The following PSORS1C1 variants were observed in gnomAD, a reference collection of about 807,000 sequenced individuals.
PSORS1C1 encodes the protein psoriasis susceptibility 1 candidate gene 1 protein.
A neutral mutation model predicts 9.4 loss-of-function variants in PSORS1C1; 7 were observed. That is an observed-to-expected ratio of 0.75 (90% CI 0.42 to 1.40). PSORS1C1 has a LOEUF of 1.40. PSORS1C1 is among the 40% of genes most tolerant of loss of function. The pLI, the probability that PSORS1C1 is intolerant of heterozygous loss-of-function variation, is 0.01. For missense variants in PSORS1C1, 146 were observed against 178.1 expected (o/e 0.82, Z 1.02); for synonymous variants, 63 against 69.4 (o/e 0.91, Z 0.46).
At chr6:31,121,770 A>C (rs1772473876) in intron 1 of PSORS1C1, among the ~76,000 whole-genome samples, 1 of 152,178 alleles carries the variant, frequency 6.6e-6, no homozygotes, top group Non-Finnish European at 1.5e-5. Context: ...ACCGCCCTTT[A>C]AGTTCAGACC....
chr6:31,138,032 G>A, intron 3 of PSORS1C1: 1 of 1,529,090 alleles, frequency 6.5e-7, no homozygotes, highest in Non-Finnish European at 8.8e-7. Flanking sequence ...GAGGCCAGGG[G>A]TTTTCTGGGG....
intron 3 of PSORS1C1, among the ~76,000 whole-genome samples, chr6:31,136,975 C>T (rs1773167426): frequency 6.6e-6 from 1 of 151,148 alleles, no homozygotes; most frequent in African/African-American, 2.4e-5. Flanking sequence ...ATGGTGAAAC[C>T]CCATCTCTAC....
At chr6:31,130,532 C>G (rs974895576) in intron 3 of PSORS1C1, among the ~76,000 whole-genome samples, 1 of 152,074 alleles carries the variant, frequency 6.6e-6, no homozygotes, top group Non-Finnish European at 1.5e-5. Context: ...CTACCTCAGC[C>G]TCCCGAGTAG....
chr6:31,126,982 G>A (rs993919367), intron 2 of PSORS1C1, among the ~76,000 whole-genome samples: 3 of 152,252 alleles, frequency 2.0e-5, no homozygotes, highest in East Asian at 3.9e-4. Flanking sequence ...TCTGTCCTGC[G>A]GAGTGAGTGT....
In PSORS1C1 at chr6:31,121,626, G is replaced by T. The variant is rs531480513; in HGVS notation, c.-228-4050G>T. Among the ~76,000 whole-genome samples the T allele has an allele frequency of 8.2e-5, 11 of 133,374 alleles. No homozygotes were observed. The East Asian group carries it at 1.9e-3, about 23-fold the overall frequency. 87.5% of individuals were successfully genotyped at this position (133,374 alleles called of 152,430 possible). A position where few individuals can be genotyped will look rare whatever the true frequency, so the allele number is the denominator to read the frequency against. Reference sequence around the variant, plus strand: ...GAGGTGCCTGGGAGTCCAGCAAGCTGCCCTCTCCTCCCCCAGGCCTCAGAC... The same window carrying T: ...GAGGTGCCTGGGAGTCCAGCAAGCTTCCCTCTCCTCCCCCAGGCCTCAGAC... On this transcript the variant is annotated intron_variant, in intron 1 of 5. Coordinates refer to ENST00000259881, the MANE Select transcript of PSORS1C1 (RefSeq NM_014068.3).
At position 31,129,570 on chromosome 6, in the gene PSORS1C1, C is replaced by T; in HGVS notation, c.-63C>T. 1.3e-6 allele frequency: 1 copy of T among 777,968 alleles called. No homozygotes were observed. Among genetic ancestry groups the T allele is most frequent in the Non-Finnish European group, 2.4e-6 (1 of 417,294 alleles). 48.2% of individuals were successfully genotyped at this position (777,968 alleles called of 1,614,324 possible). A position where few individuals can be genotyped will look rare whatever the true frequency, so the allele number is the denominator to read the frequency against. Reference sequence around the variant, plus strand: ...CCACTCACCTACCTGCCATGTCAGCCTGGGAAGAATTGGTTTGCAGCCAGG... The same window carrying T: ...CCACTCACCTACCTGCCATGTCAGCTTGGGAAGAATTGGTTTGCAGCCAGG... On this transcript the variant is annotated splice_region_variant and 5_prime_UTR_variant, in exon 3 of 6. Transcript: ENST00000259881.
chr6:31,115,759 GAGGGGCACTGT>G lies in PSORS1C1; in HGVS notation c.-229+869_-229+879del. The G allele has an allele frequency of 1.8e-6, 1 of 540,994 alleles. No homozygotes were observed. The highest frequency in any genetic ancestry group is 3.3e-6 in the Non-Finnish European group (1 of 304,700). The allele number at this position is 540,994 out of a possible 1,614,324, so 33.5% of individuals were successfully genotyped here. A position where few individuals can be genotyped will look rare whatever the true frequency, so the allele number is the denominator to read the frequency against. ...AATTGTAAGGGGTGGTGATCTGGCT[GAGGGGCACTGT>G]GGTGGAATGGGAATTTAAACAGTAG... On this transcript the variant is annotated intron_variant, in intron 1 of 5. Coordinates refer to ENST00000259881, the MANE Select transcript of PSORS1C1 (RefSeq NM_014068.3). The surrounding 1 kb of genome is among the most constrained non-coding windows in gnomAD (Gnocchi z 4.2).
At chr6:31,129,154 C>G (rs964503914) in intron 2 of PSORS1C1, among the ~76,000 whole-genome samples, 3 of 151,774 alleles carry the variant, frequency 2.0e-5, no homozygotes, top group Non-Finnish European at 4.4e-5. Flanking sequence ...TAGATTTTAC[C>G]GTGATACTAG....
chr6:31,134,441 T>C (rs987393157), intron 3 of PSORS1C1, among the ~76,000 whole-genome samples: 2 of 152,154 alleles, frequency 1.3e-5, no homozygotes, highest in Non-Finnish European at 2.9e-5. Context: ...TAGCTGGGAC[T>C]ACAGGCGCCG....
At chr6:31,129,738 G>T in intron 3 of PSORS1C1, 93 bp downstream of exon 3, 1 of 753,302 alleles carries the variant, frequency 1.3e-6, no homozygotes, top group South Asian at 1.4e-5. Flanking sequence ...TACTAGGAGA[G>T]AAGGAAGGGA....
At chr6:31,134,507 A>T (rs189626678) in intron 3 of PSORS1C1, among the ~76,000 whole-genome samples, 2 of 151,346 alleles carry the variant, frequency 1.3e-5, no homozygotes, top group Non-Finnish European at 2.9e-5. Flanking sequence ...GGGTTTCACC[A>T]TGTTAGCCAG....
intron 1 of PSORS1C1, chr6:31,116,647 T>G: frequency 6.2e-7 from 1 of 1,612,894 alleles, no homozygotes; most frequent in Non-Finnish European, 8.5e-7. Context: ...TTTGGTGAAG[T>G]AGCCCACAGG....
At chr6:31,119,907 CA>C (rs34300678) in intron 1 of PSORS1C1, among the ~76,000 whole-genome samples, 114,452 of 150,828 alleles carry the variant, frequency 0.76, 43,665 homozygotes, top group South Asian at 0.83. Context: ...CTCCATCTCA[CA>C]AAAAAAAATA....
rs899537672 is a variant in PSORS1C1 at position 31,139,257 on chromosome 6, C to T, written c.168-384C>T. On this transcript the variant is annotated intron_variant, in intron 5 of 5. Transcript: ENST00000259881. This position sits in a 1 kb window ranked among gnomAD's most constrained non-coding sequence, Gnocchi z 5.2. ...GGACCCAGCTGCCTGCTCTCCCTAT[C>T]ATGACCCAGAGCCTGCGTCACCCCA... The T allele has an allele frequency of 1.7e-6, 1 of 587,086 alleles. No homozygotes were observed. The highest frequency in any genetic ancestry group is 1.9e-5 in the African/African-American group (1 of 53,660). 36.4% of individuals were successfully genotyped at this position (587,086 alleles called of 1,614,324 possible).
Position 31,139,097 on chromosome 6 carries a change from G to T in PSORS1C1, c.167+318G>T. On this transcript the variant is annotated intron_variant, in intron 5 of 5. Coordinates refer to ENST00000259881, the MANE Select transcript of PSORS1C1 (RefSeq NM_014068.3). This position sits in a 1 kb window ranked among gnomAD's most constrained non-coding sequence, Gnocchi z 5.2. ...CCTGGGAACCCCAAGAGGCTTTATAGGGGAGGAGTGGAGGAGGGACCAGCC... is the reference window on the plus strand; with the variant it reads ...CCTGGGAACCCCAAGAGGCTTTATATGGGAGGAGTGGAGGAGGGACCAGCC... 7.4e-7 allele frequency: 1 copy of T among 1,350,222 alleles called. No individual in the cohort carries two copies. 83.6% of individuals were successfully genotyped at this position (1,350,222 alleles called of 1,614,324 possible).
At chr6:31,129,032 CT>C (rs1160824487) in intron 2 of PSORS1C1, among the ~76,000 whole-genome samples, 1 of 152,200 alleles carries the variant, frequency 6.6e-6, no homozygotes, top group Non-Finnish European at 1.5e-5. Context: ...GGCCAGAGAG[CT>C]TCAAAGCAGG....
In PSORS1C1 at chr6:31,138,730, C is replaced by CG. The variant is rs375095896; in HGVS notation, c.118_119insG (p.His40ArgfsTer3). On this transcript the variant is annotated frameshift_variant, in exon 5 of 6. Coordinates refer to ENST00000259881, the MANE Select transcript of PSORS1C1 (RefSeq NM_014068.3). LOFTEE classifies it low-confidence loss of function (END_TRUNC). ...CAGCTCCGAGGAAACTCGTCCCCCC[C>CG]ACGTTAATCCTGACCGACTTTGCCA... 40 of 1,611,812 alleles carry CG rather than the reference C, an allele frequency of 2.5e-5. No individual in the cohort carries two copies. Among genetic ancestry groups the CG allele is most frequent in the Non-Finnish European group, 3.2e-5 (38 of 1,178,588 alleles).
chr6:31,124,311 T>C (rs1306519580), intron 1 of PSORS1C1, among the ~76,000 whole-genome samples: 1 of 152,102 alleles, frequency 6.6e-6, no homozygotes, highest in Non-Finnish European at 1.5e-5. Context: ...GGGCACGAGA[T>C]CCACCATGTA....
chr6:31,117,636 C>A, intron 1 of PSORS1C1: 1 of 939,474 alleles, frequency 1.1e-6, no homozygotes, highest in Non-Finnish European at 1.7e-6. Context: ...CCAAGCAGAG[C>A]GCAGGGAGAG....
Sources: allele counts gnomAD v4.1 joint callset (sites outside exome capture counted in the v4.1 genomes callset), GRCh38; gene constraint gnomAD v4.1.1; non-coding constraint Gnocchi (gnomAD v3.1); transcripts MANE v1.5; gene names NCBI Gene and HGNC (gene_info 2026-07-23, HGNC 2026-07-21).